The following CLIP1 variants were observed in gnomAD, a reference collection of about 807,000 sequenced individuals.
CLIP1 encodes the protein CAP-Gly domain containing linker protein 1.
A neutral mutation model predicts 161.6 loss-of-function variants in CLIP1; 66 were observed. The ratio of observed to expected loss-of-function variants is 0.41; its 90% CI spans 0.33 to 0.50. The LOEUF is 0.50. CLIP1 is among the 20% of genes least tolerant of loss of function. The pLI is 0.27. For synonymous variants in CLIP1, 598 were observed against 626.2 expected, an observed-to-expected ratio of 0.96 and a Z score of 0.67; for missense variants, 1,376 against 1,702.0, an observed-to-expected ratio of 0.81 and a Z score of 3.37.
In CLIP1 at chr12:122,380,364, T is replaced by C. The variant is rs1467679899; in HGVS notation, c.85+4A>G. 1.2e-6 allele frequency: 2 copies of C among 1,605,668 alleles called. No homozygotes were observed. The highest frequency in any genetic ancestry group is 2.2e-5 in the East Asian group (1 of 44,646). ...ATAAGGAAAGGAAAAGCGTAAAGTA[T>C]TACCAGCCGTAGGTGTCTTCAGAGC... On this transcript the variant is annotated splice_donor_region_variant and intron_variant, in intron 2 of 25. Transcript: ENST00000620786.
At chr12:122,418,805 C>T (rs1566255033) in intron 1 of CLIP1, among the ~76,000 whole-genome samples, 1 of 152,098 alleles carries the variant, frequency 6.6e-6, no homozygotes, top group African/African-American at 2.4e-5. Flanking sequence ...AGGAGAACTA[C>T]AGGCTTGCTA....
chr12:122,293,002 C>CAAAAAAAAAAAAAAAAAAAAAA lies in CLIP1; in HGVS notation c.3595-4462_3595-4461insTTTTTTTTTTTTTTTTTTTTTT, dbSNP rs57326141. Among the ~76,000 whole-genome samples, 23 of 43,576 alleles carry CAAAAAAAAAAAAAAAAAAAAAA rather than the reference C, an allele frequency of 5.3e-4. 1 individual carries two copies. The highest frequency in any genetic ancestry group is 2.5e-3 in the African/African-American group (22 of 8,822). The allele number at this position is 43,576 out of a possible 152,430, so 28.6% of individuals were successfully genotyped here. A position where few individuals can be genotyped will look rare whatever the true frequency, so the allele number is the denominator to read the frequency against. ...TGGGCAAAAGAGCAAGACTCTGTCT[C>CAAAAAAAAAAAAAAAAAAAAAA]AAAAAAAAAAAAAAAAAAAAGGCAA... On this transcript the variant is annotated intron_variant, in intron 20 of 25. Transcript: ENST00000620786.
At chr12:122,358,558 T>C (rs902706673) in intron 5 of CLIP1, among the ~76,000 whole-genome samples, 1 of 152,058 alleles carries the variant, frequency 6.6e-6, no homozygotes, top group African/African-American at 2.4e-5. Context: ...CTTAGCTCCA[T>C]CACTTCTTAG....
At chr12:122,341,762 C>CCTTTTTTTTTTTTTTT (rs1566143047) in intron 10 of CLIP1, 65 bp from the exon 11 acceptor site, 16 of 96,030 alleles carry the variant, frequency 1.7e-4, no homozygotes, top group East Asian at 3.6e-4. Flanking sequence ...ATTTTCTTTT[C>CCTTTTTTTTTTTTTTT]TTTTTTTTTT....
At chr12:122,415,676 G>A (rs1011981029) in intron 1 of CLIP1, among the ~76,000 whole-genome samples, 8 of 151,742 alleles carry the variant, frequency 5.3e-5, no homozygotes, top group African/African-American at 1.7e-4. Flanking sequence ...AAAATCAGCC[G>A]TGCGTGGTGG....
intron 15 of CLIP1, among the ~76,000 whole-genome samples, chr12:122,330,597 G>GTTTTTTTTTTTGTTTTTTT (rs1951901823): frequency 8.9e-5 from 9 of 101,404 alleles, no homozygotes; most frequent in African/African-American, 4.0e-4. Context: ...GTATAATGCA[G>GTTTTTTTTTTTGTTTTTTT]TTTTTTTTTT....
At chr12:122,317,911 C>T (rs950151104) in intron 18 of CLIP1, among the ~76,000 whole-genome samples, 1 of 152,172 alleles carries the variant, frequency 6.6e-6, no homozygotes, top group Non-Finnish European at 1.5e-5. Context: ...ACACAGTTCC[C>T]CCTGGTTCCA....
At chr12:122,353,536 C>A (rs916868414) in intron 7 of CLIP1, among the ~76,000 whole-genome samples, 1 of 152,138 alleles carries the variant, frequency 6.6e-6, no homozygotes, top group South Asian at 2.1e-4. Flanking sequence ...ATCACTTGAG[C>A]CAGGGATGTC....
intron 21 of CLIP1, among the ~76,000 whole-genome samples, chr12:122,284,020 C>G (rs1192135812): frequency 6.6e-6 from 1 of 152,038 alleles, no homozygotes; most frequent in Non-Finnish European, 1.5e-5. Context: ...TTTATTTAAC[C>G]ATTACACGCA....
rs143779617 is a variant in CLIP1, at chr12:122,319,524, T to C, written c.3250-176A>G. Among the ~76,000 whole-genome samples the C allele has an allele frequency of 3.0e-3, 464 of 152,320 alleles. 2 individuals are homozygous for C. The highest frequency in any genetic ancestry group is 0.011 in the African/African-American group (441 of 41,578). On this transcript the variant is annotated intron_variant, in intron 17 of 25. Coordinates refer to ENST00000620786, the MANE Select transcript of CLIP1 (RefSeq NM_001247997.2). Reference sequence around the variant, plus strand: ...AACAGACGGACCAGGACAGGAAAGGTCTTTACTCTGAAGTAGAATATGCAG... The same window carrying C: ...AACAGACGGACCAGGACAGGAAAGGCCTTTACTCTGAAGTAGAATATGCAG...
rs372241680 is a variant in CLIP1, at chr12:122,279,165, A to G, written c.3648-20T>C. 6.5e-7 allele frequency: 1 copy of G among 1,532,524 alleles called. No homozygotes were observed. Among genetic ancestry groups the G allele is most frequent in the African/African-American group, 1.4e-5 (1 of 72,722 alleles). The allele number at this position is 1,532,524 out of a possible 1,614,324, so 94.9% of individuals were successfully genotyped here. A position where few individuals can be genotyped will look rare whatever the true frequency, so the allele number is the denominator to read the frequency against. ...GATTCTCTAAAAGACCAAAGAGTTA[A>G]AAGTTCCACAAATCAACCGAAAGAC... On this transcript the variant is annotated intron_variant, in intron 21 of 25. Transcript: ENST00000620786. The surrounding 1 kb of genome is among the most constrained non-coding windows in gnomAD (Gnocchi z 4.5).
intron 1 of CLIP1, among the ~76,000 whole-genome samples, chr12:122,403,852 C>CA (rs1019180888): frequency 6.6e-6 from 1 of 152,088 alleles, no homozygotes; most frequent in African/African-American, 2.4e-5. Context: ...CATATTCTAA[C>CA]ACCTGGGAAA....
At chr12:122,308,782 A>T (rs1203505397) in intron 20 of CLIP1, among the ~76,000 whole-genome samples, 1 of 152,200 alleles carries the variant, frequency 6.6e-6, no homozygotes, top group Non-Finnish European at 1.5e-5. Flanking sequence ...GAGTCTGAAG[A>T]GATGTGGCAT....
At chr12:122,407,091 T>TCTCTAG (rs1270281896) in intron 1 of CLIP1, among the ~76,000 whole-genome samples, 3 of 152,260 alleles carry the variant, frequency 2.0e-5, no homozygotes, top group Non-Finnish European at 4.4e-5. Context: ...TTACTAGGCC[T>TCTCTAG]CTCTAGTATC....
intron 17 of CLIP1, among the ~76,000 whole-genome samples, chr12:122,321,920 GACT>G (rs1259139599): frequency 2.0e-5 from 3 of 152,122 alleles, no homozygotes; most frequent in Non-Finnish European, 4.4e-5. Context: ...AATGGGGAGA[GACT>G]ACTACAGTGA....
chr12:122,316,967 C>T (rs548220761), intron 18 of CLIP1, 112 bp from the exon 19 acceptor site: 70 of 647,648 alleles, frequency 1.1e-4, no homozygotes, highest in Non-Finnish European at 1.6e-4. Context: ...ATTAGTCACT[C>T]GCAAAAAAAA....
intron 3 of CLIP1, among the ~76,000 whole-genome samples, chr12:122,372,993 G>A (rs879331762): frequency 4.6e-5 from 7 of 152,094 alleles, no homozygotes; most frequent in Non-Finnish European, 8.8e-5. Context: ...AGAAAAAATC[G>A]AATTATTAGG....
intron 1 of CLIP1, among the ~76,000 whole-genome samples, chr12:122,383,759 G>C (rs1432072411): frequency 1.3e-5 from 2 of 151,896 alleles, no homozygotes; most frequent in Non-Finnish European, 2.9e-5. Context: ...AACATGCAGT[G>C]ATCAAGAGGC....
At chr12:122,402,325 A>G in intron 1 of CLIP1, among the ~76,000 whole-genome samples, 1 of 152,116 alleles carries the variant, frequency 6.6e-6, no homozygotes, top group East Asian at 1.9e-4. Context: ...CCATCTCTAC[A>G]AAATTTTTAA....
Sources: allele counts gnomAD v4.1 joint callset (sites outside exome capture counted in the v4.1 genomes callset), GRCh38; gene constraint gnomAD v4.1.1; non-coding constraint Gnocchi (gnomAD v3.1); transcripts MANE v1.5; gene names NCBI Gene and HGNC (gene_info 2026-07-23, HGNC 2026-07-21).